Variants in KIF20B observed in about 807,000 individuals in gnomAD.
KIF20B encodes kinesin family member 20B.
KIF20B carries 188 observed loss-of-function variants against 232.5 expected under a neutral mutation model. The ratio of observed to expected loss-of-function variants is 0.81; its 90% CI spans 0.72 to 0.91. The LOEUF (loss-of-function observed/expected upper bound fraction) is 0.91. Ranked by LOEUF, KIF20B falls within the 40% of genes least tolerant of loss-of-function variation. The pLI is 0.00. For synonymous variants in KIF20B, 712 were observed against 683.0 expected (o/e 1.04, Z -0.66); for missense variants, 2,154 against 2,055.9 (o/e 1.05, Z -0.92).
intron 1 of KIF20B, among the ~76,000 whole-genome samples, chr10:89,702,549 C>G (rs1564654861): frequency 6.6e-6 from 1 of 152,104 alleles, no homozygotes; most frequent in Non-Finnish European, 1.5e-5. Flanking sequence ...GTTGTGAAGA[C>G]TTTTTTTGAG....
At chr10:89,772,125 A>G (rs1842475215) in intron 31 of KIF20B, among the ~76,000 whole-genome samples, 1 of 152,058 alleles carries the variant, frequency 6.6e-6, no homozygotes. Flanking sequence ...TATGTTTTCT[A>G]TTAAAAAAAA....
intron 21 of KIF20B, among the ~76,000 whole-genome samples, chr10:89,740,800 A>G (rs1841780033): frequency 6.6e-6 from 1 of 152,152 alleles, no homozygotes; most frequent in Non-Finnish European, 1.5e-5. Context: ...AGCTGAGACT[A>G]CAGGTGTGCC....
intron 2 of KIF20B, among the ~76,000 whole-genome samples, chr10:89,706,897 A>G (rs552022504): frequency 1.3e-5 from 2 of 152,120 alleles, no homozygotes; most frequent in South Asian, 2.1e-4. Context: ...GGTCCTTTGC[A>G]TATTCATAAA....
intron 2 of KIF20B, 145 bp downstream of exon 2, chr10:89,705,586 A>G (rs1439308481): frequency 6.2e-6 from 4 of 645,048 alleles, no homozygotes; most frequent in Admixed American, 7.1e-5. Context: ...AGTGGAAGAA[A>G]AATCAAAATA....
chr10:89,763,823 T>A (rs904392876), intron 29 of KIF20B, among the ~76,000 whole-genome samples: 10 of 149,252 alleles, frequency 6.7e-5, no homozygotes, highest in African/African-American at 2.4e-4. Context: ...TTAATATAAC[T>A]ATTATTACTA....
At chr10:89,745,320 CG>C (rs1479850636) in intron 22 of KIF20B, among the ~76,000 whole-genome samples, 17 of 152,186 alleles carry the variant, frequency 1.1e-4, no homozygotes, top group Admixed American at 3.9e-4. Flanking sequence ...GTCAGGAGAT[CG>C]AGACTAGCCT....
chr10:89,729,603 A>T (rs1323910780), intron 18 of KIF20B, among the ~76,000 whole-genome samples: 1 of 152,210 alleles, frequency 6.6e-6, no homozygotes, highest in Non-Finnish European at 1.5e-5. Context: ...TGTTTCAGGG[A>T]ACTATAACAT....
intron 26 of KIF20B, among the ~76,000 whole-genome samples, chr10:89,757,046 A>C (rs61870784): frequency 8.9e-6 from 1 of 112,342 alleles, no homozygotes; most frequent in Non-Finnish European, 1.7e-5. Flanking sequence ...GTGTGTATAT[A>C]TATATATATA....
Position 89,727,978 on chromosome 10 carries a change from T to A in KIF20B, c.2271+82T>A, listed in dbSNP as rs570189567. ...GAATGATGACTAGATTTGTTTATTT[T>A]AAAAAATAATTAAACAGTAATATAG... On this transcript the variant is annotated intron_variant, in intron 17 of 32. Coordinates refer to ENST00000371728, the MANE Select transcript of KIF20B (RefSeq NM_001284259.2). 1.2e-5 allele frequency: 15 copies of A among 1,239,354 alleles called. No individual in the cohort carries two copies. The Admixed American group carries it at 2.1e-4, about 17-fold the overall frequency. The allele number at this position is 1,239,354 out of a possible 1,614,324, so 76.8% of individuals were successfully genotyped here. A position where few individuals can be genotyped will look rare whatever the true frequency, so the allele number is the denominator to read the frequency against.
chr10:89,737,888 C>T lies in KIF20B; in HGVS notation c.3047C>T (p.Ser1016Phe). The change falls in exon 20 of 33, where the codon TCT (serine) becomes TTT (phenylalanine). Residue 1016 changes from serine to phenylalanine, a missense_variant. Coordinates refer to ENST00000371728, the MANE Select transcript of KIF20B (RefSeq NM_001284259.2). ...AATCTCAGGGATCTGTCAAATGGTT[C>T]TGAGGAGGATAATTTGCCAAATACA... The part of the protein sequence containing the change: ...LLNLRDLSNG[S>F]EEDNLPNTQL... The T allele has an allele frequency of 6.2e-7, 1 of 1,613,436 alleles. No homozygotes were observed. The highest frequency in any genetic ancestry group is 8.5e-7 in the Non-Finnish European group (1 of 1,179,556).
In KIF20B at chr10:89,705,280, T is replaced by C. The variant is rs1180567800; in HGVS notation, c.-1-14T>C. On this transcript the variant is annotated splice_polypyrimidine_tract_variant and intron_variant, in intron 1 of 32. Transcript: ENST00000371728. ...TTATTAAGGTTGTTAAAGAAGTTGC[T>C]GTTATTCTTGCAGAATGGAATCTAA... 1.2e-6 allele frequency: 2 copies of C among 1,612,874 alleles called. No individual in the cohort carries two copies. The highest frequency in any genetic ancestry group is 3.3e-5 in the Admixed American group (2 of 59,882).
Position 89,757,040 on chromosome 10 carries a change from G to GTGTATATATATA in KIF20B, c.4504-1665_4504-1664insGTATATATATAT, listed in dbSNP as rs1301847520. ...ATCTCTGTTGTGTGTGTGTGTGTGT[G>GTGTATATATATA]TATATATATATATATATATATATAT... is the stretch of plus-strand genomic sequence containing the variant. On this transcript the variant is annotated intron_variant, in intron 26 of 32. Transcript: ENST00000371728. 9.1e-3 allele frequency among the ~76,000 whole-genome samples: 1,005 copies of GTGTATATATATA among 110,546 alleles called. 5 individuals are homozygous for GTGTATATATATA. Among genetic ancestry groups the GTGTATATATATA allele is most frequent in the East Asian group, 0.026 (88 of 3,416 alleles). 72.5% of individuals were successfully genotyped at this position (110,546 alleles called of 152,430 possible).
chr10:89,731,328 G>C (rs1843313624), intron 18 of KIF20B, among the ~76,000 whole-genome samples: 1 of 151,946 alleles, frequency 6.6e-6, no homozygotes, highest in Admixed American at 6.6e-5. Context: ...ATCAATATTT[G>C]TAAATTAGTT....
At chr10:89,715,475 C>A (rs950987890) in intron 8 of KIF20B, among the ~76,000 whole-genome samples, 1 of 152,022 alleles carries the variant, frequency 6.6e-6, no homozygotes, top group Non-Finnish European at 1.5e-5. Context: ...GTAACAGTGT[C>A]CAAATTTTGG....
At position 89,715,159 on chromosome 10, in the gene KIF20B, T is replaced by C; in HGVS notation, c.917T>C (p.Val306Ala). 6.3e-7 allele frequency: 1 copy of C among 1,597,392 alleles called. No homozygotes were observed. Among genetic ancestry groups the C allele is most frequent in the Non-Finnish European group, 8.5e-7 (1 of 1,171,304 alleles). ...AAGATGCTGCGCCTTTCCCAAGACG[T>C]AAAGGGCTATTCTTTTATAAAAGGT... ...KRKMLRLSQDVKGYSFIKDLQ... is the reference protein window; with the variant it reads ...KRKMLRLSQDAKGYSFIKDLQ... Residue 306 changes from valine (V) to alanine (A), a missense_variant, in exon 8 of 33, where the codon GTA (valine) becomes GCA (alanine). Physicochemically the swap from Val to Ala is moderately conservative, Grantham distance 64. Transcript: ENST00000371728.
In KIF20B at chr10:89,761,501, G is replaced by T. The variant is rs547886330; in HGVS notation, c.4791+865G>T. Among the ~76,000 whole-genome samples, 205 of 152,090 alleles carry T rather than the reference G, an allele frequency of 1.3e-3. 1 individual carries two copies. Among genetic ancestry groups the T allele is most frequent in the Non-Finnish European group, 2.4e-3 (161 of 67,980 alleles). On this transcript the variant is annotated intron_variant, in intron 28 of 32. Coordinates refer to ENST00000371728, the MANE Select transcript of KIF20B (RefSeq NM_001284259.2). ...CTTAAAAAAAAAAAAAAGAAATGGGGTTTCACTATGTTTCTCTGGCAGCTG... is the reference window on the plus strand; with the variant it reads ...CTTAAAAAAAAAAAAAAGAAATGGGTTTTCACTATGTTTCTCTGGCAGCTG...
At chr10:89,726,664 A>G (rs950538153) in intron 16 of KIF20B, 143 bp downstream of exon 16, 2 of 661,592 alleles carry the variant, frequency 3.0e-6, no homozygotes, top group African/African-American at 3.7e-5. Context: ...ATATTTTACC[A>G]TTTGTATGAC....
intron 23 of KIF20B, among the ~76,000 whole-genome samples, chr10:89,749,790 A>T (rs920957199): frequency 2.6e-5 from 4 of 152,082 alleles, no homozygotes; most frequent in African/African-American, 9.7e-5. Flanking sequence ...GTATCAGTTG[A>T]TAGACATTTG....
rs918938836 is a variant in KIF20B, at chr10:89,701,635, A to G, written c.-47A>G. ...ATTGTTTGAATTTGAAAACGGTAAC[A>G]TCGCAGTGCTGCTCGCGGGTCTGGC... On this transcript the variant is annotated 5_prime_UTR_variant, in exon 1 of 33. Coordinates refer to ENST00000371728, the MANE Select transcript of KIF20B (RefSeq NM_001284259.2). 1 of 152,326 alleles carries G rather than the reference A, an allele frequency of 6.6e-6. No individual in the cohort carries two copies. The highest frequency in any genetic ancestry group is 1.9e-4 in the East Asian group (1 of 5,188). 9.4% of individuals were successfully genotyped at this position (152,326 alleles called of 1,614,324 possible). A position where few individuals can be genotyped will look rare whatever the true frequency, so the allele number is the denominator to read the frequency against.
Sources: gnomAD v4.1 joint callset for allele counts (sites outside exome capture counted in the v4.1 genomes callset) on GRCh38, gnomAD v4.1.1 for gene constraint, MANE v1.5 for transcripts, NCBI Gene and HGNC (gene_info 2026-07-23, HGNC 2026-07-21) for gene names.